Variants in TENM2 observed in about 807,000 individuals in gnomAD.
TENM2 encodes teneurin transmembrane protein 2, also known as teneurin-2.
TENM2 carries 52 observed loss-of-function variants against 245.2 expected under a neutral mutation model. The observed-to-expected ratio is 0.21, with a 90% CI of 0.17 to 0.27. The LOEUF is 0.27. TENM2 is among the 10% of genes least tolerant of loss of function. The probability of loss-of-function intolerance (pLI) is 1.00; values close to 1 mark genes in which losing one functional copy is unlikely to be tolerated. For synonymous variants in TENM2, 1,363 were observed against 1,438.9 expected (o/e 0.95, Z 1.19); for missense variants, 3,046 against 3,666.8 (o/e 0.83, Z 4.37).
At chr5:167,761,056 T>C (rs1411973409) in intron 2 of TENM2, among the ~76,000 whole-genome samples, 1 of 152,134 alleles carries the variant, frequency 6.6e-6, no homozygotes, top group Non-Finnish European at 1.5e-5. Flanking sequence ...GTGACTAAGA[T>C]AGTGAGTGAA....
chr5:167,687,133 C>T (rs555640626), intron 2 of TENM2, among the ~76,000 whole-genome samples: 1 of 152,126 alleles, frequency 6.6e-6, no homozygotes, highest in Non-Finnish European at 1.5e-5. Context: ...GATGTGTTCT[C>T]CGGTTACCTC....
chr5:167,863,160 G>C (rs1354855817), intron 2 of TENM2, among the ~76,000 whole-genome samples: 1 of 152,210 alleles, frequency 6.6e-6, no homozygotes, highest in African/African-American at 2.4e-5. Context: ...GTAACTGCTA[G>C]ATGGTATTGT....
At chr5:167,419,950 C>A (rs1415357661) in intron 2 of TENM2, among the ~76,000 whole-genome samples, 1 of 152,126 alleles carries the variant, frequency 6.6e-6, no homozygotes, top group Non-Finnish European at 1.5e-5. Context: ...ATGATTGGAA[C>A]ATTTCAATGA....
chr5:167,454,834 A>T (rs13169252), intron 2 of TENM2, among the ~76,000 whole-genome samples: 1 of 152,094 alleles, frequency 6.6e-6, no homozygotes, highest in Admixed American at 6.5e-5. Flanking sequence ...CACTATGGCT[A>T]TGATGATCCA....
At chr5:167,996,411 A>G (rs774530373) in intron 5 of TENM2, among the ~76,000 whole-genome samples, 1 of 152,170 alleles carries the variant, frequency 6.6e-6, no homozygotes, top group Non-Finnish European at 1.5e-5. Context: ...CCAGGGGACC[A>G]CTTTGTGCAT....
chr5:167,924,109 C>T (rs1165600962), intron 3 of TENM2, among the ~76,000 whole-genome samples: 1 of 152,198 alleles, frequency 6.6e-6, no homozygotes, highest in African/African-American at 2.4e-5. Flanking sequence ...ATATGGAGGA[C>T]AGGATGCTTC....
At chr5:167,522,180 A>G (rs1299224370) in intron 2 of TENM2, among the ~76,000 whole-genome samples, 1 of 152,136 alleles carries the variant, frequency 6.6e-6, no homozygotes, top group Non-Finnish European at 1.5e-5. Context: ...TTTATAGTTA[A>G]ACATGAAGTG....
chr5:168,150,641 G>A (rs1392222432), intron 12 of TENM2, among the ~76,000 whole-genome samples: 1 of 152,206 alleles, frequency 6.6e-6, no homozygotes, highest in Non-Finnish European at 1.5e-5. Context: ...CCTGCTCAGT[G>A]TATTCTCTCC....
In TENM2 at chr5:167,503,404, G is replaced by A. The variant is rs78042130; in HGVS notation, c.502+127931G>A. 2.7e-3 allele frequency among the ~76,000 whole-genome samples: 409 copies of A among 152,116 alleles called. 13 individuals are homozygous for A. In the East Asian group the frequency reaches 0.07, roughly 26 times the overall value. ...AAAGGAGGAGGATAAAAAATGGTAC[G>A]GGAGAGTGCAGAGAAAAGAAGAGAG... On this transcript the variant is annotated intron_variant, in intron 2 of 28. Transcript: ENST00000518659.
intron 2 of TENM2, among the ~76,000 whole-genome samples, chr5:167,555,027 G>A (rs1773178277): frequency 6.6e-6 from 1 of 152,122 alleles, no homozygotes. Context: ...TCTCTGGAAA[G>A]CAATGGTACC....
intron 25 of TENM2, among the ~76,000 whole-genome samples, chr5:168,234,084 C>T (rs1238751812): frequency 6.6e-6 from 1 of 152,038 alleles, no homozygotes; most frequent in Non-Finnish European, 1.5e-5. Flanking sequence ...CATCCCATGG[C>T]AGGGTTTCTC....
chr5:167,318,234 C>T (rs1581731735), intron 1 of TENM2, among the ~76,000 whole-genome samples: 1 of 152,072 alleles, frequency 6.6e-6, no homozygotes, highest in Non-Finnish European at 1.5e-5. Flanking sequence ...CAGTGACAAT[C>T]GTGTTGGTAA....
intron 2 of TENM2, among the ~76,000 whole-genome samples, chr5:167,724,562 C>T (rs377185247): frequency 2.0e-4 from 30 of 151,898 alleles, no homozygotes; most frequent in South Asian, 1.2e-3. Flanking sequence ...AAGGAGATGA[C>T]GAATTCAGTA....
the TENM2 span, among the ~76,000 whole-genome samples, chr5:167,205,691 A>G: frequency 6.6e-6 from 1 of 152,182 alleles, no homozygotes; most frequent in East Asian, 1.9e-4. Flanking sequence ...ATCAGGGTCC[A>G]TGGTTCAAAA....
At chr5:167,558,512 C>T (rs1042563056) in intron 2 of TENM2, among the ~76,000 whole-genome samples, 4 of 152,180 alleles carry the variant, frequency 2.6e-5, no homozygotes, top group Admixed American at 6.5e-5. Flanking sequence ...AGCTGAGCTC[C>T]ACCTCCTGTC....
chr5:168,158,725 C>T (rs2152440602), intron 12 of TENM2, among the ~76,000 whole-genome samples: 1 of 147,820 alleles, frequency 6.8e-6, no homozygotes, highest in Admixed American at 6.8e-5. Flanking sequence ...TTTGGGAGGC[C>T]AAGGCAGGCG....
At chr5:167,602,475 C>T (rs1327568802) in intron 2 of TENM2, among the ~76,000 whole-genome samples, 1 of 152,126 alleles carries the variant, frequency 6.6e-6, no homozygotes, top group Non-Finnish European at 1.5e-5. Context: ...AAATATTTCT[C>T]TATCAATTTC....
chr5:167,923,788 CG>C (rs1431779906), intron 3 of TENM2, among the ~76,000 whole-genome samples: 1 of 152,108 alleles, frequency 6.6e-6, no homozygotes, highest in Non-Finnish European at 1.5e-5. Flanking sequence ...CATTAACTCT[CG>C]GGAAGGAAGC....
At chr5:167,073,720 G>A in the TENM2 span, among the ~76,000 whole-genome samples, 1 of 152,126 alleles carries the variant, frequency 6.6e-6, no homozygotes, top group Non-Finnish European at 1.5e-5. Context: ...TGCTGGTTGT[G>A]ATTAGCTAGG....
Sources: allele counts gnomAD v4.1 joint callset (sites outside exome capture counted in the v4.1 genomes callset), GRCh38; gene constraint gnomAD v4.1.1; transcripts MANE v1.5; gene names NCBI Gene and HGNC (gene_info 2026-07-23, HGNC 2026-07-21).